BNC2: variants seen among roughly 807,000 people sequenced by gnomAD.
BNC2 encodes the protein basonuclin zinc finger protein 2.
Under a neutral mutation model 76.3 loss-of-function variants are expected in BNC2, and 20 were observed. The observed-to-expected ratio is 0.26, with a 90% CI of 0.18 to 0.38. The LOEUF is 0.38. Ranked by LOEUF, BNC2 falls within the 10% of genes least tolerant of loss-of-function variation. BNC2 has a pLI of 1.00. For missense variants in BNC2, 1,382 were observed against 1,399.8 expected (o/e 0.99, Z 0.20); for synonymous variants, 582 against 514.8 (o/e 1.13, Z -1.77).
At chr9:16,802,129 C>T (rs1817800035) in intron 1 of BNC2, among the ~76,000 whole-genome samples, 1 of 152,162 alleles carries the variant, frequency 6.6e-6, no homozygotes. Context: ...ATTTCTTAGC[C>T]AAACATGCTC....
At chr9:16,452,573 C>T (rs1554640863) in intron 5 of BNC2, among the ~76,000 whole-genome samples, 1 of 152,048 alleles carries the variant, frequency 6.6e-6, no homozygotes, top group Non-Finnish European at 1.5e-5. Context: ...CCATGCCCGG[C>T]TAATTTTTGT....
chr9:16,535,326 A>G (rs1194746084), intron 5 of BNC2, among the ~76,000 whole-genome samples: 1 of 152,228 alleles, frequency 6.6e-6, no homozygotes, highest in Non-Finnish European at 1.5e-5. Context: ...TCTCTTTCAT[A>G]TTAATACTTC....
intron 1 of BNC2, among the ~76,000 whole-genome samples, chr9:16,772,225 G>A (rs1357819563): frequency 2.0e-5 from 3 of 152,044 alleles, no homozygotes; most frequent in African/African-American, 4.8e-5. Context: ...ACCCACACAC[G>A]GGGTATACTG....
chr9:16,827,540 T>G (rs1437497329), intron 1 of BNC2, among the ~76,000 whole-genome samples: 1 of 152,182 alleles, frequency 6.6e-6, no homozygotes, highest in Non-Finnish European at 1.5e-5. Flanking sequence ...GAGAACTCAG[T>G]CAACACATGA....
At chr9:16,783,326 C>T (rs553972759) in intron 1 of BNC2, among the ~76,000 whole-genome samples, 70 of 152,248 alleles carry the variant, frequency 4.6e-4, no homozygotes, top group African/African-American at 1.6e-3. Flanking sequence ...AATCTAAACA[C>T]AAACATAAAC....
At position 16,513,809 on chromosome 9, in the gene BNC2, C is replaced by A. The variant is rs1307898957; in HGVS notation, c.669+38721G>T. ...GCAGTCATGGGCCTGGGGATTAGAG[C>A]TACAGGTGAAATACTATGAATGATG... On this transcript the variant is annotated intron_variant, in intron 5 of 6. Coordinates refer to ENST00000380672, the MANE Select transcript of BNC2 (RefSeq NM_017637.6). Among the ~76,000 whole-genome samples, 6 of 152,184 alleles carry A rather than the reference C, an allele frequency of 3.9e-5. No homozygotes were observed. In the South Asian group the frequency reaches 1.2e-3, roughly 32 times the overall value.
In BNC2 at chr9:16,582,896, C is replaced by CACACACACACACACAA. The variant is rs1819665640; in HGVS notation, c.433+86_433+87insTTGTGTGTGTGTGTGT. On this transcript the variant is annotated intron_variant, in intron 4 of 6. Coordinates refer to ENST00000380672, the MANE Select transcript of BNC2 (RefSeq NM_017637.6). The stretch of plus-strand genomic sequence containing the variant: ...GGCCAGTGACTCCTCTAAACAGACA[C>CACACACACACACACAA]ACACACACACACACACACACACACA... 5.8e-6 allele frequency: 4 copies of CACACACACACACACAA among 686,938 alleles called. No homozygotes were observed. The African/African-American group carries it at 7.5e-5, about 13-fold the overall frequency. The allele number at this position is 686,938 out of a possible 1,614,324, so 42.6% of individuals were successfully genotyped here. A position where few individuals can be genotyped will look rare whatever the true frequency, so the allele number is the denominator to read the frequency against.
chr9:16,568,146 G>C (rs977767400), intron 4 of BNC2, among the ~76,000 whole-genome samples: 3 of 152,124 alleles, frequency 2.0e-5, no homozygotes, highest in Non-Finnish European at 2.9e-5. Flanking sequence ...CAAATTACAA[G>C]CATCAAGTGG....
At chr9:16,602,506 T>C (rs1820270484) in intron 3 of BNC2, among the ~76,000 whole-genome samples, 1 of 152,016 alleles carries the variant, frequency 6.6e-6, no homozygotes, top group Non-Finnish European at 1.5e-5. Context: ...AAAACAAAAA[T>C]CTAAATGTGG....
chr9:16,630,128 C>A (rs1460329310), intron 3 of BNC2, among the ~76,000 whole-genome samples: 1 of 152,164 alleles, frequency 6.6e-6, no homozygotes, highest in African/African-American at 2.4e-5. Flanking sequence ...AGGAGGTATG[C>A]CTATGTTCAA....
In BNC2 at chr9:16,413,297, T is replaced by C. The variant is rs1257740192; in HGVS notation, c.*5692A>G. The C allele has an allele frequency of 1.3e-5, 2 of 151,792 alleles. No homozygotes were observed. The highest frequency in any genetic ancestry group is 2.4e-5 in the African/African-American group (1 of 41,342). The allele number at this position is 151,792 out of a possible 1,614,324, so 9.4% of individuals were successfully genotyped here. On this transcript the variant is annotated 3_prime_UTR_variant, in exon 7 of 7. Transcript: ENST00000380672. ...TATAGTATGTTGCTCCAAAAATATA[T>C]ATAGCATTATAATGAACAATAATGC...
chr9:16,822,613 G>A (rs1818365235), intron 1 of BNC2, among the ~76,000 whole-genome samples: 1 of 152,172 alleles, frequency 6.6e-6, no homozygotes, highest in African/African-American at 2.4e-5. Flanking sequence ...CTGATTTCTG[G>A]AACTGGAACA....
chr9:16,846,681 A>C (rs1233858273), intron 1 of BNC2, among the ~76,000 whole-genome samples: 1 of 152,210 alleles, frequency 6.6e-6, no homozygotes, highest in Non-Finnish European at 1.5e-5. Flanking sequence ...AGCATATCTA[A>C]GACAGGATTT....
intron 1 of BNC2, among the ~76,000 whole-genome samples, chr9:16,812,302 A>G (rs1214230385): frequency 6.6e-6 from 1 of 152,172 alleles, no homozygotes; most frequent in Non-Finnish European, 1.5e-5. Flanking sequence ...AGATTCACAA[A>G]ACCAGGGAAT....
intron 1 of BNC2, among the ~76,000 whole-genome samples, chr9:16,843,966 TTTG>T (rs1013440764): frequency 1.3e-5 from 2 of 152,134 alleles, no homozygotes; most frequent in African/African-American, 2.4e-5. Flanking sequence ...TCTTAGGTTT[TTTG>T]TTGTTGTTGT....
At chr9:16,611,584 A>C (rs1215158543) in intron 3 of BNC2, among the ~76,000 whole-genome samples, 1 of 152,110 alleles carries the variant, frequency 6.6e-6, no homozygotes, top group East Asian at 1.9e-4. Context: ...CTATTGTTTA[A>C]ATGATTGCAT....
chr9:16,776,312 G>A (rs1347884784), intron 1 of BNC2, among the ~76,000 whole-genome samples: 5 of 152,006 alleles, frequency 3.3e-5, no homozygotes, highest in Non-Finnish European at 7.4e-5. Context: ...TGCTATTTTT[G>A]TATTTTTAGT....
chr9:16,565,014 G>C (rs746161256), intron 4 of BNC2, among the ~76,000 whole-genome samples: 1 of 151,890 alleles, frequency 6.6e-6, no homozygotes, highest in South Asian at 2.1e-4. Flanking sequence ...AGTTTTTCCT[G>C]GATCAATTTC....
chr9:16,439,733 G>A (rs1310301654), intron 5 of BNC2, among the ~76,000 whole-genome samples: 1 of 152,178 alleles, frequency 6.6e-6, no homozygotes, highest in Non-Finnish European at 1.5e-5. Flanking sequence ...TTTTAAAAAA[G>A]CTCTGATAGT....
Sources: allele counts gnomAD v4.1 joint callset (sites outside exome capture counted in the v4.1 genomes callset), GRCh38; gene constraint gnomAD v4.1.1; transcripts MANE v1.5; gene names NCBI Gene and HGNC (gene_info 2026-07-23, HGNC 2026-07-21).